Variants in WDR89 observed in about 807,000 individuals in gnomAD.
The protein encoded by WDR89 is WD repeat domain 89, also known as WD repeat-containing protein 89.
A neutral mutation model predicts 29.1 loss-of-function variants in WDR89; 17 were observed. The observed-to-expected ratio is 0.58, with a 90% CI of 0.40 to 0.88. The LOEUF is 0.88. Among genes scored for constraint, WDR89 ranks in the 40% least tolerant of loss-of-function variants. The pLI, the probability that WDR89 is intolerant of heterozygous loss-of-function variation, is 0.00. For missense variants in WDR89, 396 were observed against 456.3 expected (o/e 0.87, Z 1.20); for synonymous variants, 138 against 157.8 (o/e 0.87, Z 0.94).
intron 1 of WDR89, among the ~76,000 whole-genome samples, chr14:63,636,431 G>A (rs147565667): frequency 6.6e-6 from 1 of 151,990 alleles, no homozygotes; most frequent in Non-Finnish European, 1.5e-5. Flanking sequence ...AATTCATATG[G>A]AACCAAAAAG....
At chr14:63,626,716 G>A (rs1173853611) in intron 1 of WDR89, among the ~76,000 whole-genome samples, 5 of 120,778 alleles carry the variant, frequency 4.1e-5, no homozygotes, top group South Asian at 2.7e-4. Flanking sequence ...AAAAAGTTCC[G>A]TCTTACTAAC....
intron 2 of WDR89, among the ~76,000 whole-genome samples, chr14:63,601,093 C>T (rs933512504): frequency 3.9e-5 from 6 of 152,090 alleles, no homozygotes; most frequent in African/African-American, 1.4e-4. Flanking sequence ...TCCTCTAAGC[C>T]TCCAAATGGA....
chr14:63,601,486 A>T, intron 2 of WDR89: 1 of 1,264,764 alleles, frequency 7.9e-7, no homozygotes, highest in South Asian at 1.2e-5. Context: ...AGAGCAGAGT[A>T]CGAGTCTGAG....
intron 1 of WDR89, among the ~76,000 whole-genome samples, chr14:63,640,280 G>A (rs10498510): frequency 1.1e-4 from 16 of 152,174 alleles, no homozygotes; most frequent in Non-Finnish European, 1.9e-4. Flanking sequence ...GCTTTCATCG[G>A]TAACATATTT....
intron 2 of WDR89, among the ~76,000 whole-genome samples, chr14:63,610,462 A>T (rs1176501827): frequency 6.6e-6 from 1 of 152,002 alleles, no homozygotes; most frequent in Non-Finnish European, 1.5e-5. Context: ...AATAGAGAAG[A>T]ATAGAGTACA....
At chr14:63,613,819 ATCT>A (rs1882138896) in intron 2 of WDR89, among the ~76,000 whole-genome samples, 1 of 125,228 alleles carries the variant, frequency 8.0e-6, no homozygotes, top group African/African-American at 3.1e-5. Context: ...ATTTTTAAAC[ATCT>A]TTTTTTTTTT....
Position 63,601,417 on chromosome 14 carries a change from C to A in WDR89, c.-31-1444G>T, listed in dbSNP as rs1441732240. 5 of 791,716 alleles carry A rather than the reference C, an allele frequency of 6.3e-6. No homozygotes were observed. The East Asian group carries it at 1.3e-4, about 21-fold the overall frequency. 49.0% of individuals were successfully genotyped at this position (791,716 alleles called of 1,614,324 possible). ...TCTCCAGGGTGGGCTGTATGTAGGA[C>A]AAGTTCAAGGCCAGAAAAACATGCA... is the stretch of plus-strand genomic sequence containing the variant. On this transcript the variant is annotated intron_variant, in intron 2 of 2. Transcript: ENST00000620954.
At chr14:63,621,355 T>C (rs1005515210) in intron 2 of WDR89, among the ~76,000 whole-genome samples, 1 of 152,144 alleles carries the variant, frequency 6.6e-6, no homozygotes, top group African/African-American at 2.4e-5. Flanking sequence ...TGCAGCACTT[T>C]GGGAGGCTGA....
intron 1 of WDR89, among the ~76,000 whole-genome samples, chr14:63,626,676 CAAAAAAAAA>C (rs35582220): frequency 3.2e-4 from 11 of 34,582 alleles, no homozygotes; most frequent in Non-Finnish European, 4.8e-4. Flanking sequence ...GAGACTGTCT[CAAAAAAAAA>C]AAAAAAAAAA....
At chr14:63,603,464 T>C (rs545773565) in intron 2 of WDR89, among the ~76,000 whole-genome samples, 9 of 152,344 alleles carry the variant, frequency 5.9e-5, no homozygotes, top group East Asian at 1.9e-4. Context: ...GATCTATTAA[T>C]TGTCCTTGCC....
intron 1 of WDR89, among the ~76,000 whole-genome samples, chr14:63,637,272 G>C (rs1378202467): frequency 6.6e-6 from 1 of 152,164 alleles, no homozygotes; most frequent in Non-Finnish European, 1.5e-5. Context: ...AGAGATGCTG[G>C]CGTGGATGTG....
At chr14:63,624,694 G>A (rs1035623034) in intron 2 of WDR89, among the ~76,000 whole-genome samples, 2 of 151,936 alleles carry the variant, frequency 1.3e-5, no homozygotes, top group Non-Finnish European at 2.9e-5. Flanking sequence ...ATATATGAAT[G>A]ACAAATAAGC....
chr14:63,610,193 C>A (rs768805793), intron 2 of WDR89, among the ~76,000 whole-genome samples: 1 of 136,642 alleles, frequency 7.3e-6, no homozygotes, highest in African/African-American at 2.9e-5. Context: ...GCACTCTGGC[C>A]GGGGCGACAG....
rs1422410741 is a variant in WDR89 at position 63,599,006 on chromosome 14, C to A, written c.937G>T (p.Val313Leu). 1.2e-6 allele frequency: 2 copies of A among 1,614,216 alleles called. No homozygotes were observed. The highest frequency in any genetic ancestry group is 3.3e-5 in the Admixed American group (2 of 60,028). The stretch of plus-strand genomic sequence containing the variant: ...GCATGCCCTCCCTGAAGGCTAGTCA[C>A]ATGGGTCAGTCCTGACATGCTGCAG... ...MNCSMSGLTH[V>L]TSLQGGHAAT... is the part of the protein sequence containing the mutation. Residue 313 changes from valine (V) to leucine (L), a missense_variant, in exon 3 of 3, where the codon GTG becomes TTG. Coordinates refer to ENST00000620954, the MANE Select transcript of WDR89 (RefSeq NM_080666.4).
chr14:63,633,950 A>G (rs1883568687), intron 1 of WDR89, among the ~76,000 whole-genome samples: 1 of 152,252 alleles, frequency 6.6e-6, no homozygotes, highest in African/African-American at 2.4e-5. Flanking sequence ...AAACCGTTTT[A>G]AAAGTTTCCT....
intron 2 of WDR89, among the ~76,000 whole-genome samples, chr14:63,610,445 T>G (rs1004800873): frequency 7.9e-5 from 12 of 151,906 alleles, no homozygotes; most frequent in African/African-American, 2.9e-4. Flanking sequence ...GTTACCCGCA[T>G]CCAAAGAATA....
chr14:63,607,353 C>CG (rs1895366088), intron 2 of WDR89, among the ~76,000 whole-genome samples: 1 of 151,860 alleles, frequency 6.6e-6, no homozygotes, highest in South Asian at 2.1e-4. Flanking sequence ...TTAGTAGAGA[C>CG]GGGGTTTCAC....
chr14:63,610,322 A>G (rs938802441), intron 2 of WDR89, among the ~76,000 whole-genome samples: 1 of 151,998 alleles, frequency 6.6e-6, no homozygotes, highest in African/African-American at 2.4e-5. Flanking sequence ...AAATAAATAA[A>G]TGAGGGAGAA....
intron 2 of WDR89, among the ~76,000 whole-genome samples, chr14:63,612,814 A>G (rs1440315391): frequency 2.0e-5 from 3 of 152,178 alleles, no homozygotes; most frequent in Admixed American, 1.3e-4. Context: ...GGAGCTCAGC[A>G]AAGGAATGAA....
Sources: gnomAD v4.1 joint callset for allele counts (sites outside exome capture counted in the v4.1 genomes callset) on GRCh38, gnomAD v4.1.1 for gene constraint, MANE v1.5 for transcripts, NCBI Gene and HGNC (gene_info 2026-07-23, HGNC 2026-07-21) for gene names.